The following BRD4 variants were observed in gnomAD, a reference collection of about 807,000 sequenced individuals.
BRD4 encodes bromodomain-containing protein 4.
Under a neutral mutation model 142.1 loss-of-function variants are expected in BRD4, and 16 were observed. The observed-to-expected ratio is 0.11, with a 90% CI of 0.08 to 0.17. The LOEUF (loss-of-function observed/expected upper bound fraction) is 0.17, where lower values mean the gene tolerates loss of function less well. BRD4 is among the 10% of genes least tolerant of loss of function. The pLI is 1.00. For missense variants in BRD4, 1,424 were observed against 1,810.9 expected, an observed-to-expected ratio of 0.79 and a Z score of 3.88; for synonymous variants, 833 against 707.5, an observed-to-expected ratio of 1.18 and a Z score of -2.82.
chr19:15,257,836 G>A (rs1249906417), intron 7 of BRD4, among the ~76,000 whole-genome samples: 1 of 152,168 alleles, frequency 6.6e-6, no homozygotes, highest in African/African-American at 2.4e-5. Context: ...GGGGCACTGA[G>A]GACAGGCTAC....
intron 7 of BRD4, among the ~76,000 whole-genome samples, chr19:15,259,436 G>C (rs990191101): frequency 3.3e-5 from 5 of 152,228 alleles, no homozygotes; most frequent in Non-Finnish European, 7.3e-5. Flanking sequence ...TTCACTCTGA[G>C]GCCTCCTTCC....
At chr19:15,316,155 C>CAAAAAAAA (rs980486654) in intron 1 of BRD4, among the ~76,000 whole-genome samples, 1 of 33,048 alleles carries the variant, frequency 3.0e-5, no homozygotes, top group Admixed American at 3.8e-4. Flanking sequence ...GACACCGTCT[C>CAAAAAAAA]AAAAAAAAAA....
intron 1 of BRD4, among the ~76,000 whole-genome samples, chr19:15,279,374 A>C (rs1252525979): frequency 6.6e-6 from 1 of 152,214 alleles, no homozygotes; most frequent in South Asian, 2.1e-4. Flanking sequence ...ACCAGCTCAG[A>C]AAGTTTGAAC....
chr19:15,242,089 C>T lies in BRD4; in HGVS notation c.3169+811G>A, dbSNP rs549567588. On this transcript the variant is annotated intron_variant, in intron 14 of 19. Transcript: ENST00000679869. ...TTGGCCTCCCAAAGTGCTGGGATTA[C>T]AGGCGTGAGCCACCGCGCCCGGCCT... Among the ~76,000 whole-genome samples the T allele has an allele frequency of 2.6e-5, 4 of 152,294 alleles. No homozygotes were observed. The East Asian group carries it at 7.7e-4, about 29-fold the overall frequency.
intron 1 of BRD4, among the ~76,000 whole-genome samples, chr19:15,331,357 G>A (rs887600819): frequency 4.6e-5 from 7 of 152,182 alleles, no homozygotes; most frequent in Non-Finnish European, 8.8e-5. Flanking sequence ...GGAGGAGGGG[G>A]ATCATTTTAT....
chr19:15,249,230 G>A (rs112492810), intron 11 of BRD4: 2 of 1,613,916 alleles, frequency 1.2e-6, no homozygotes, highest in Non-Finnish European at 1.7e-6. Context: ...AGCTTGCTGG[G>A]AAGGAATCTG....
intron 1 of BRD4, among the ~76,000 whole-genome samples, chr19:15,331,636 CT>C (rs1450997608): frequency 6.6e-6 from 1 of 152,130 alleles, no homozygotes; most frequent in Non-Finnish European, 1.5e-5. Flanking sequence ...CTGCCCCTTT[CT>C]CCGCAGCACT....
intron 1 of BRD4, among the ~76,000 whole-genome samples, chr19:15,285,377 T>G (rs900981412): frequency 2.0e-5 from 3 of 152,190 alleles, no homozygotes; most frequent in Non-Finnish European, 2.9e-5. Flanking sequence ...AAACCGTGTC[T>G]CTACCAAAAA....
In BRD4 at chr19:15,239,010, A is replaced by G. The variant is rs758467136; in HGVS notation, c.3783-30T>C. The stretch of plus-strand genomic sequence containing the variant: ...GCAGAGGGTCCCAGTCAGCCTGGGG[A>G]CTGGTGTGGCCCCAAGAGTCCCCAT... On this transcript the variant is annotated intron_variant, in intron 18 of 19. Coordinates refer to ENST00000679869, the MANE Select transcript of BRD4 (RefSeq NM_001379291.1). This position sits in a 1 kb window ranked among gnomAD's most constrained non-coding sequence, Gnocchi z 7.4. 2 of 1,576,954 alleles carry G rather than the reference A, an allele frequency of 1.3e-6. No individual in the cohort carries two copies. Among genetic ancestry groups the G allele is most frequent in the South Asian group, 2.3e-5 (2 of 88,456 alleles).
chr19:15,258,086 T>C (rs1182024890), intron 7 of BRD4, among the ~76,000 whole-genome samples: 1 of 152,186 alleles, frequency 6.6e-6, no homozygotes, highest in African/African-American at 2.4e-5. Context: ...CCCAGCAGGA[T>C]TCTGGGACCC....
chr19:15,266,654 C>T (rs1391327220), intron 4 of BRD4, among the ~76,000 whole-genome samples: 2 of 152,188 alleles, frequency 1.3e-5, no homozygotes, highest in African/African-American at 4.8e-5. Context: ...TCCTTGGTTA[C>T]CTTTGGGTGC....
rs140582248 is a variant in BRD4 at position 15,241,495 on chromosome 19, C to G, written c.3169+1405G>C. Among the ~76,000 whole-genome samples the G allele has an allele frequency of 7.2e-5, 11 of 152,344 alleles. No homozygotes were observed. In the East Asian group the frequency reaches 2.1e-3, roughly 29 times the overall value. On this transcript the variant is annotated intron_variant, in intron 14 of 19. Coordinates refer to ENST00000679869, the MANE Select transcript of BRD4 (RefSeq NM_001379291.1). ...GGCTTTTGGCCTACAAAGCCCCTAGCAGGATCCCAATCCACACTGCTCTTG... is the reference window on the plus strand; with the variant it reads ...GGCTTTTGGCCTACAAAGCCCCTAGGAGGATCCCAATCCACACTGCTCTTG...
At chr19:15,243,543 G>A (rs2047258335) in intron 13 of BRD4, 56 bp from the exon 14 acceptor site, 3 of 1,487,904 alleles carry the variant, frequency 2.0e-6, no homozygotes, top group Non-Finnish European at 2.7e-6. Context: ...CCCCAGCCTG[G>A]CCTTTCTGCT....
At chr19:15,258,128 G>A (rs2047432581) in intron 7 of BRD4, among the ~76,000 whole-genome samples, 1 of 152,188 alleles carries the variant, frequency 6.6e-6, no homozygotes, top group African/African-American at 2.4e-5. Context: ...GATCATCGTG[G>A]AAACACACCA....
At chr19:15,285,854 G>A (rs1423081986) in intron 1 of BRD4, among the ~76,000 whole-genome samples, 2 of 152,200 alleles carry the variant, frequency 1.3e-5, no homozygotes, top group Non-Finnish European at 2.9e-5. Context: ...GGGGCACGAA[G>A]CACAGCAGGA....
chr19:15,299,585 A>G (rs1292495285), intron 1 of BRD4, among the ~76,000 whole-genome samples: 1 of 152,230 alleles, frequency 6.6e-6, no homozygotes, highest in Non-Finnish European at 1.5e-5. Context: ...TGTGATCCCC[A>G]GCTTCAAGCA....
chr19:15,309,844 CTG>C, intron 1 of BRD4, among the ~76,000 whole-genome samples: 1 of 152,286 alleles, frequency 6.6e-6, no homozygotes, highest in Non-Finnish European at 1.5e-5. Flanking sequence ...CCAAGAATCA[CTG>C]TGCCGGAGTG....
At chr19:15,308,538 G>C (rs2047937727) in intron 1 of BRD4, among the ~76,000 whole-genome samples, 2 of 149,874 alleles carry the variant, frequency 1.3e-5, no homozygotes, top group African/African-American at 4.9e-5. Flanking sequence ...AGTGAGCCAA[G>C]ATTGCGCCAC....
chr19:15,242,883 G>T lies in BRD4; in HGVS notation c.3169+17C>A. The T allele has an allele frequency of 6.3e-7, 1 of 1,598,582 alleles. No homozygotes were observed. The highest frequency in any genetic ancestry group is 2.3e-5 in the East Asian group (1 of 44,354). ...CAGCACCAGCCTCCCCAGAGTCTAC[G>T]GGTGAGGACCACTTACCGGTTGAGT... On this transcript the variant is annotated intron_variant, in intron 14 of 19. Coordinates refer to ENST00000679869, the MANE Select transcript of BRD4 (RefSeq NM_001379291.1).
Sources: gnomAD v4.1 joint callset for allele counts (sites outside exome capture counted in the v4.1 genomes callset) on GRCh38, gnomAD v4.1.1 for gene constraint, Gnocchi (gnomAD v3.1) non-coding constraint, MANE v1.5 for transcripts, NCBI Gene and HGNC (gene_info 2026-07-23, HGNC 2026-07-21) for gene names.